The following DACH2 variants were observed in gnomAD, a reference collection of about 807,000 sequenced individuals.
DACH2 encodes the protein dachshund homolog 2.
Under a neutral mutation model 35.8 loss-of-function variants are expected in DACH2, and 17 were observed. That is an observed-to-expected ratio of 0.48 (90% CI 0.33 to 0.71). The LOEUF is 0.71. Ranked by LOEUF, DACH2 falls within the 30% of genes least tolerant of loss-of-function variation. The probability of loss-of-function intolerance (pLI) is 0.02; values close to 1 mark genes in which losing one functional copy is unlikely to be tolerated. For synonymous variants in DACH2, 195 were observed against 177.3 expected, an observed-to-expected ratio of 1.10 and a Z score of -0.79; for missense variants, 469 against 472.7, an observed-to-expected ratio of 0.99 and a Z score of 0.07.
At position 86,832,279 on chromosome X, in the gene DACH2, T is replaced by C. The variant is rs766394250; in HGVS notation, c.*124T>C. The C allele has an allele frequency of 9.7e-4, 521 of 535,901 alleles. 5 individuals are homozygous for C. The highest frequency in any genetic ancestry group is 1.8e-4 in the Non-Finnish European group (58 of 327,853). The allele number at this position is 535,901 out of a possible 1,213,427, so 44.2% of individuals were successfully genotyped here. On this transcript the variant is annotated 3_prime_UTR_variant, in exon 12 of 12. Coordinates refer to ENST00000373125, the MANE Select transcript of DACH2 (RefSeq NM_053281.3). ...AAGCTTTGTTTACTGAAGGAGCTAT[T>C]TAATCTATGTTACATTAAAAAAGAA...
At chrX:86,804,935 A>G (rs2042328549) in intron 7 of DACH2, among the ~76,000 whole-genome samples, 1 of 112,173 alleles carries the variant, frequency 8.9e-6, no homozygotes, top group Admixed American at 9.4e-5. Flanking sequence ...GCTAGTGTTG[A>G]TTGCCTGTGG....
intron 1 of DACH2, among the ~76,000 whole-genome samples, chrX:86,204,114 T>C (rs1037907745): frequency 8.9e-6 from 1 of 111,739 alleles, no homozygotes; most frequent in African/African-American, 3.3e-5. Flanking sequence ...TTGGACCTAA[T>C]TGTGAAAATG....
chrX:86,769,626 C>T (rs1446974301), intron 7 of DACH2, among the ~76,000 whole-genome samples: 1 of 111,630 alleles, frequency 9.0e-6, no homozygotes, highest in African/African-American at 3.3e-5. Context: ...TTACTTTATA[C>T]TTTTTTTAAA....
At chrX:86,459,168 A>C (rs901504653) in intron 2 of DACH2, among the ~76,000 whole-genome samples, 3 of 111,653 alleles carry the variant, frequency 2.7e-5, no homozygotes, top group African/African-American at 9.8e-5. Flanking sequence ...ACATGAAAAA[A>C]TAGCATTCTA....
At chrX:86,496,948 G>A (rs1268317419) in intron 2 of DACH2, among the ~76,000 whole-genome samples, 3 of 112,027 alleles carry the variant, frequency 2.7e-5, no homozygotes, top group East Asian at 2.8e-4. Flanking sequence ...GGACACAAGA[G>A]GAGGAAGGAA....
In DACH2 at chrX:86,744,064, G is replaced by A. The variant is rs182129462; in HGVS notation, c.1240+4182G>A. 1.1e-3 allele frequency among the ~76,000 whole-genome samples: 124 copies of A among 111,423 alleles called. 1 individual carries two copies. Among genetic ancestry groups the A allele is most frequent in the Admixed American group, 3.4e-3 (35 of 10,411 alleles). ...ATTTGGGACTGTCCCACGTACTGCAGCACTCAAGTATACACTATTGTGTCT... is the reference window on the plus strand; with the variant it reads ...ATTTGGGACTGTCCCACGTACTGCAACACTCAAGTATACACTATTGTGTCT... On this transcript the variant is annotated intron_variant, in intron 7 of 11. Transcript: ENST00000373125.
intron 3 of DACH2, among the ~76,000 whole-genome samples, chrX:86,632,960 A>G: frequency 9.0e-6 from 1 of 110,712 alleles, no homozygotes; most frequent in East Asian, 2.8e-4. Flanking sequence ...AGAAATTTAT[A>G]GAGTTAAATT....
chrX:86,571,339 C>A (rs1287257326), intron 3 of DACH2, among the ~76,000 whole-genome samples: 1 of 110,116 alleles, frequency 9.1e-6, no homozygotes, highest in Non-Finnish European at 1.9e-5. Flanking sequence ...GGTACATGTG[C>A]ACAACGTGCA....
At chrX:86,561,728 T>C (rs2039216999) in intron 3 of DACH2, among the ~76,000 whole-genome samples, 1 of 49,733 alleles carries the variant, frequency 2.0e-5, no homozygotes, top group South Asian at 1.5e-3. Flanking sequence ...AGAAGGGGAA[T>C]ATCACACTCT....
At chrX:86,508,417 G>A (rs1393807729) in intron 2 of DACH2, among the ~76,000 whole-genome samples, 1 of 109,215 alleles carries the variant, frequency 9.2e-6, no homozygotes, top group East Asian at 2.9e-4. Flanking sequence ...AAAATTAGTC[G>A]GGCGTGGTGG....
intron 1 of DACH2, among the ~76,000 whole-genome samples, chrX:86,171,826 G>T (rs1287141520): frequency 8.9e-6 from 1 of 111,756 alleles, no homozygotes. Flanking sequence ...GTGCTCACTT[G>T]ATGTTTGGTT....
rs182972779 is a variant in DACH2 at position 86,473,767 on chromosome X, T to C, written c.528-40512T>C. Reference sequence around the variant, plus strand: ...GTACTATGTTTTCTATATTCATTCATCTTCATGGACACTTACGTGGCTTCC... The same window carrying C: ...GTACTATGTTTTCTATATTCATTCACCTTCATGGACACTTACGTGGCTTCC... On this transcript the variant is annotated intron_variant, in intron 2 of 11. Transcript: ENST00000373125. Among the ~76,000 whole-genome samples the C allele has an allele frequency of 1.2e-4, 13 of 111,733 alleles. No individual in the cohort carries two copies. In the Admixed American group the frequency reaches 1.2e-3, roughly 11 times the overall value.
chrX:86,827,894 A>G, intron 11 of DACH2: 3 of 834,045 alleles, frequency 3.6e-6, no homozygotes, highest in Non-Finnish European at 5.2e-6. Flanking sequence ...GGAACCTTTA[A>G]TTACTGTTTG....
At chrX:86,557,005 A>G (rs2039140975) in intron 3 of DACH2, among the ~76,000 whole-genome samples, 1 of 108,351 alleles carries the variant, frequency 9.2e-6, no homozygotes, top group Admixed American at 1.0e-4. Context: ...TCAAGGTCTG[A>G]GAACTGAAGG....
chrX:86,494,933 G>T (rs1461028815), intron 2 of DACH2, among the ~76,000 whole-genome samples: 2 of 112,276 alleles, frequency 1.8e-5, no homozygotes, highest in African/African-American at 6.5e-5. Flanking sequence ...AAAGTAAAAA[G>T]AAACAGGTGA....
chrX:86,532,042 G>A (rs752402639), intron 3 of DACH2, among the ~76,000 whole-genome samples: 1 of 113,102 alleles, frequency 8.8e-6, no homozygotes, highest in African/African-American at 3.2e-5. Context: ...CATGGGGCCT[G>A]TGGCCCCTTT....
chrX:86,513,178 T>C (rs1216743106), intron 2 of DACH2, among the ~76,000 whole-genome samples: 1 of 111,845 alleles, frequency 8.9e-6, no homozygotes, highest in African/African-American at 3.2e-5. Context: ...TAACTTAAAT[T>C]TCTTTGTAAA....
intron 4 of DACH2, among the ~76,000 whole-genome samples, chrX:86,678,512 G>T (rs1268775384): frequency 8.1e-5 from 9 of 111,745 alleles, no homozygotes; most frequent in Non-Finnish European, 1.5e-4. Flanking sequence ...AATGTTTTGT[G>T]TCATTTACAG....
intron 1 of DACH2, among the ~76,000 whole-genome samples, chrX:86,283,987 AT>A (rs139934125): frequency 0.19 from 20,740 of 108,552 alleles, 2,231 homozygotes; most frequent in African/African-American, 0.38. Context: ...ATCAGTTTTA[AT>A]TTTTTTTTGG....
Sources: allele counts gnomAD v4.1 joint callset (sites outside exome capture counted in the v4.1 genomes callset), GRCh38; gene constraint gnomAD v4.1.1; transcripts MANE v1.5; gene names NCBI Gene and HGNC (gene_info 2026-07-23, HGNC 2026-07-21).